Variants in CACNA2D3 observed in about 807,000 individuals in gnomAD.
CACNA2D3 encodes the protein calcium voltage-gated channel auxiliary subunit alpha2delta 3, also known as voltage-dependent calcium channel subunit alpha-2/delta-3.
Under a neutral mutation model 160.6 loss-of-function variants are expected in CACNA2D3, and 60 were observed. That is an observed-to-expected ratio of 0.37 (90% CI 0.30 to 0.46). The LOEUF (loss-of-function observed/expected upper bound fraction) is 0.46, where lower values mean the gene tolerates loss of function less well. CACNA2D3 is among the 20% of genes least tolerant of loss of function. CACNA2D3 has a pLI of 1.00. For missense variants in CACNA2D3, 1,205 were observed against 1,365.0 expected (o/e 0.88, Z 1.85); for synonymous variants, 558 against 492.9 (o/e 1.13, Z -1.75).
rs1448260853 is a variant in CACNA2D3 at position 54,122,782 on chromosome 3, C to T, written c.69C>T (p.Leu23=). The T allele has an allele frequency of 4.1e-6, 5 of 1,230,548 alleles. No homozygotes were observed. The highest frequency in any genetic ancestry group is 4.1e-5 in the South Asian group (1 of 24,262). 76.2% of individuals were successfully genotyped at this position (1,230,548 alleles called of 1,614,324 possible). ...CGGCGCTTCTCGCTGCCGCGCTTCTCTACGCCGCGCTGGGGGACGTGGTGC... is the reference window on the plus strand; with the variant it reads ...CGGCGCTTCTCGCTGCCGCGCTTCTTTACGCCGCGCTGGGGGACGTGGTGC... The part of the protein sequence containing the change: ...GASALLAAAL[L]YAALGDVVRS... Residue 23 remains leucine, a synonymous_variant, in exon 1 of 38, where the codon CTC becomes CTT. Transcript: ENST00000474759.
At chr3:55,040,621 G>T (rs1339393966) in intron 35 of CACNA2D3, among the ~76,000 whole-genome samples, 11 of 152,192 alleles carry the variant, frequency 7.2e-5, no homozygotes, top group Admixed American at 2.6e-4. Flanking sequence ...GGAGTCTGAG[G>T]CTGCAATGAT....
chr3:54,763,753 A>C (rs1461705034), intron 12 of CACNA2D3, among the ~76,000 whole-genome samples: 1 of 55,314 alleles, frequency 1.8e-5, no homozygotes, highest in Non-Finnish European at 4.1e-5. Flanking sequence ...ATGTGCATAT[A>C]TATACACATA....
At chr3:54,350,986 G>GTTTTTTTTTTTTTTTT (rs796392854) in intron 3 of CACNA2D3, among the ~76,000 whole-genome samples, 12 of 65,950 alleles carry the variant, frequency 1.8e-4, no homozygotes, top group East Asian at 3.8e-4. Flanking sequence ...TTTTTTGTTT[G>GTTTTTTTTTTTTTTTT]TTTTTTTTTT....
At chr3:54,171,574 T>C (rs1700572296) in intron 2 of CACNA2D3, among the ~76,000 whole-genome samples, 1 of 152,202 alleles carries the variant, frequency 6.6e-6, no homozygotes, top group Non-Finnish European at 1.5e-5. Flanking sequence ...CAGATGTCTC[T>C]TGACACTGAG....
intron 30 of CACNA2D3, among the ~76,000 whole-genome samples, chr3:54,986,841 T>TC (rs1702625687): frequency 6.6e-6 from 1 of 151,134 alleles, no homozygotes; most frequent in African/African-American, 2.4e-5. Context: ...AGAAGGCCCT[T>TC]ACTGCAGGCT....
intron 3 of CACNA2D3, among the ~76,000 whole-genome samples, chr3:54,375,542 C>G (rs182803501): frequency 6.6e-6 from 1 of 152,148 alleles, no homozygotes; most frequent in East Asian, 1.9e-4. Context: ...CAAGAATATC[C>G]TTGGTCAAGA....
At chr3:54,709,917 C>T (rs905835760) in intron 11 of CACNA2D3, among the ~76,000 whole-genome samples, 1 of 152,206 alleles carries the variant, frequency 6.6e-6, no homozygotes, top group South Asian at 2.1e-4. Context: ...AGAGCAAGAC[C>T]CTGTCTCTAA....
At chr3:54,931,837 G>A (rs1701198485) in intron 27 of CACNA2D3, among the ~76,000 whole-genome samples, 1 of 152,104 alleles carries the variant, frequency 6.6e-6, no homozygotes, top group Non-Finnish European at 1.5e-5. Flanking sequence ...ACAATGTCTT[G>A]AAATCCAGCA....
At chr3:55,006,110 C>T in intron 32 of CACNA2D3, among the ~76,000 whole-genome samples, 1 of 152,190 alleles carries the variant, frequency 6.6e-6, no homozygotes, top group East Asian at 1.9e-4. Flanking sequence ...TAACCCAACT[C>T]CCCTAACCTT....
chr3:54,635,468 A>G (rs957602269), intron 10 of CACNA2D3, among the ~76,000 whole-genome samples: 1 of 152,044 alleles, frequency 6.6e-6, no homozygotes, highest in Non-Finnish European at 1.5e-5. Flanking sequence ...AAATAGGAGT[A>G]TGACTAGACA....
chr3:54,499,742 G>A (rs1701258658), intron 4 of CACNA2D3, among the ~76,000 whole-genome samples: 1 of 151,994 alleles, frequency 6.6e-6, no homozygotes, highest in South Asian at 2.1e-4. Flanking sequence ...TGTGGTCTGA[G>A]AGCAGACACC....
At chr3:54,731,211 T>G (rs1342877556) in intron 11 of CACNA2D3, among the ~76,000 whole-genome samples, 1 of 152,106 alleles carries the variant, frequency 6.6e-6, no homozygotes, top group Admixed American at 6.5e-5. Context: ...TTTCAAATTC[T>G]CAGACTCACA....
intron 27 of CACNA2D3, among the ~76,000 whole-genome samples, chr3:54,926,575 T>TA (rs1701028354): frequency 6.6e-6 from 1 of 151,774 alleles, no homozygotes; most frequent in Non-Finnish European, 1.5e-5. Flanking sequence ...TAACACTTTT[T>TA]AAAAATCCAG....
intron 3 of CACNA2D3, among the ~76,000 whole-genome samples, chr3:54,371,214 T>G (rs972383700): frequency 1.3e-5 from 2 of 152,214 alleles, no homozygotes; most frequent in African/African-American, 2.4e-5. Flanking sequence ...GGTTCTCATT[T>G]TCCTTGGGTG....
chr3:54,609,332 G>C (rs1341705125), intron 9 of CACNA2D3, among the ~76,000 whole-genome samples: 1 of 152,152 alleles, frequency 6.6e-6, no homozygotes, highest in Admixed American at 6.5e-5. Flanking sequence ...ATATAGATCT[G>C]AGTGGCTTAA....
chr3:54,969,773 A>G, intron 28 of CACNA2D3, 27 bp from the exon 29 acceptor site: 5 of 1,610,236 alleles, frequency 3.1e-6, no homozygotes, highest in Non-Finnish European at 4.2e-6. Flanking sequence ...ATAGTAACAC[A>G]TTTCCCTCCA....
chr3:54,143,779 A>G (rs1177596640), intron 2 of CACNA2D3, among the ~76,000 whole-genome samples: 2 of 152,184 alleles, frequency 1.3e-5, no homozygotes, highest in Non-Finnish European at 2.9e-5. Context: ...AATTACAGGC[A>G]TGAGCCACCG....
intron 11 of CACNA2D3, among the ~76,000 whole-genome samples, chr3:54,650,016 C>T (rs1032139422): frequency 1.3e-5 from 2 of 152,140 alleles, no homozygotes; most frequent in Non-Finnish European, 2.9e-5. Flanking sequence ...GACCCATCTA[C>T]ACCTGTTAGA....
At chr3:54,212,188 C>T (rs1018754082) in intron 2 of CACNA2D3, among the ~76,000 whole-genome samples, 18 of 152,138 alleles carry the variant, frequency 1.2e-4, no homozygotes, top group African/African-American at 4.1e-4. Context: ...ACACAGCCTC[C>T]GGAGGTCCTG....
Sources: gnomAD v4.1 joint callset for allele counts (sites outside exome capture counted in the v4.1 genomes callset) on GRCh38, gnomAD v4.1.1 for gene constraint, MANE v1.5 for transcripts, NCBI Gene and HGNC (gene_info 2026-07-23, HGNC 2026-07-21) for gene names.